Variants in LCOR observed in about 807,000 individuals in gnomAD.
LCOR encodes the protein ligand dependent nuclear receptor corepressor, also known as ligand-dependent corepressor.
A neutral mutation model predicts 64.4 loss-of-function variants in LCOR; 14 were observed. That is an observed-to-expected ratio of 0.22 (90% confidence interval 0.14 to 0.34). The LOEUF is 0.34. LCOR is among the 10% of genes least tolerant of loss of function. The pLI, the probability that LCOR is intolerant of heterozygous loss-of-function variation, is 1.00. For missense variants in LCOR, 1,686 were observed against 1,765.3 expected, an observed-to-expected ratio of 0.96 and a Z score of 0.80; for synonymous variants, 643 against 642.5, an observed-to-expected ratio of 1.00 and a Z score of -0.01.
intron 2 of LCOR, among the ~76,000 whole-genome samples, chr10:96,855,866 C>A (rs1485371168): frequency 1.3e-5 from 2 of 149,462 alleles, no homozygotes; most frequent in Admixed American, 6.7e-5. Flanking sequence ...CTCAGCCTCC[C>A]GAGTAGCTGG....
chr10:96,852,003 T>A (rs1845728679), intron 2 of LCOR, among the ~76,000 whole-genome samples: 16 of 152,282 alleles, frequency 1.1e-4, no homozygotes, highest in Admixed American at 1.0e-3. Flanking sequence ...ATGATGCTAA[T>A]GCCACACAAT....
intron 4 of LCOR, among the ~76,000 whole-genome samples, chr10:96,941,334 GAGTCCTCACTTCCCAGTA>G (rs1847469197): frequency 1.5e-5 from 2 of 136,628 alleles, no homozygotes; most frequent in African/African-American, 5.7e-5. Context: ...CCGGGCAGAG[GAGTCCTCACTTCCCAGTA>G]GGGGCGGCCG....
At chr10:96,942,775 GTTGT>G (rs959053633) in intron 4 of LCOR, among the ~76,000 whole-genome samples, 4 of 152,010 alleles carry the variant, frequency 2.6e-5, no homozygotes, top group African/African-American at 9.7e-5. Flanking sequence ...TCTTCAATGT[GTTGT>G]TTAATTCCTT....
chr10:96,870,544 C>G (rs1353479830), intron 2 of LCOR, among the ~76,000 whole-genome samples: 1 of 152,186 alleles, frequency 6.6e-6, no homozygotes, highest in African/African-American at 2.4e-5. Context: ...CTCTTCAGAT[C>G]TTGTAGACTA....
At chr10:96,852,582 A>G (rs1160954719) in intron 2 of LCOR, among the ~76,000 whole-genome samples, 2 of 152,218 alleles carry the variant, frequency 1.3e-5, no homozygotes, top group African/African-American at 2.4e-5. Context: ...TAAACCTGAA[A>G]CACTTCTGGT....
chr10:96,832,674 T>A (rs1845361327), intron 1 of LCOR, among the ~76,000 whole-genome samples: 1 of 148,444 alleles, frequency 6.7e-6, no homozygotes, highest in Admixed American at 6.7e-5. Context: ...CCTCCCGCTC[T>A]CCATCCCCGC....
intron 5 of LCOR, among the ~76,000 whole-genome samples, chr10:96,945,405 C>T (rs1384119665): frequency 1.3e-5 from 2 of 151,966 alleles, no homozygotes; most frequent in African/African-American, 2.4e-5. Flanking sequence ...CACTTTTTTT[C>T]CCATTTTCTT....
intron 4 of LCOR, among the ~76,000 whole-genome samples, chr10:96,930,076 T>C (rs1847231565): frequency 6.6e-6 from 1 of 152,116 alleles, no homozygotes; most frequent in African/African-American, 2.4e-5. Context: ...ATATTGCAAA[T>C]ATTACAAAAA....
Position 96,944,204 on chromosome 10 carries a change from G to T in LCOR, c.-92G>T, listed in dbSNP as rs1847548158. 1.0e-6 allele frequency: 1 copy of T among 985,594 alleles called. No individual in the cohort carries two copies. Among genetic ancestry groups the T allele is most frequent in the Non-Finnish European group, 1.2e-6 (1 of 829,908 alleles). 61.1% of individuals were successfully genotyped at this position (985,594 alleles called of 1,614,324 possible). On this transcript the variant is annotated 5_prime_UTR_variant, in exon 5 of 8. Coordinates refer to ENST00000421806, the MANE Select transcript of LCOR (RefSeq NM_001346516.2). ...CAAGCAAAAATCATTCGATTCGAGA[G>T]ACAAGCAGAAGAATTCCTCAATGCA...
At chr10:96,934,375 AAGGAGAGAGTTTT>A (rs2134494832) in intron 4 of LCOR, among the ~76,000 whole-genome samples, 1 of 152,268 alleles carries the variant, frequency 6.6e-6, no homozygotes, top group Admixed American at 6.5e-5. Flanking sequence ...GTTGTTTATT[AAGGAGAGAGTTTT>A]TAAAAAGCTT....
chr10:96,899,078 A>T (rs1248498276), intron 2 of LCOR, among the ~76,000 whole-genome samples: 3 of 152,182 alleles, frequency 2.0e-5, no homozygotes, highest in Admixed American at 1.3e-4. Flanking sequence ...GGTGTTCGTG[A>T]TGCCATTTTC....
intron 6 of LCOR, among the ~76,000 whole-genome samples, chr10:96,951,325 C>T (rs1028877510): frequency 6.6e-6 from 1 of 152,118 alleles, no homozygotes; most frequent in Non-Finnish European, 1.5e-5. Context: ...GGTTGTACTT[C>T]CAGGCTCTCA....
chr10:96,877,511 G>A (rs1038550578), intron 2 of LCOR, among the ~76,000 whole-genome samples: 9 of 150,960 alleles, frequency 6.0e-5, no homozygotes, highest in African/African-American at 2.2e-4. Flanking sequence ...GTGAGTGAGT[G>A]AGATCCTGTC....
Position 96,947,734 on chromosome 10 carries a change from T to C in LCOR, c.-50-1274T>C, listed in dbSNP as rs979023969. Among the ~76,000 whole-genome samples the C allele has an allele frequency of 5.3e-5, 8 of 151,726 alleles. No homozygotes were observed. In the East Asian group the frequency reaches 1.4e-3, roughly 26 times the overall value. On this transcript the variant is annotated intron_variant, in intron 5 of 7. Transcript: ENST00000421806. Reference sequence around the variant, plus strand: ...GGCCACTTACTCTTTTGATCACATTTCCCTTTTTTTTTTTAAAGGACTATT... The same window carrying C: ...GGCCACTTACTCTTTTGATCACATTCCCCTTTTTTTTTTTAAAGGACTATT...
At chr10:96,955,616 A>G (rs754883837) in intron 7 of LCOR, 1 of 1,614,196 alleles carries the variant, frequency 6.2e-7, no homozygotes, top group South Asian at 1.1e-5. Flanking sequence ...ATCAAGAAGG[A>G]GACCCTGGCT....
intron 4 of LCOR, among the ~76,000 whole-genome samples, chr10:96,927,397 A>G (rs1040975679): frequency 6.6e-6 from 1 of 151,972 alleles, no homozygotes; most frequent in Non-Finnish European, 1.5e-5. Context: ...TTGGTCAGGT[A>G]TGTTATACAA....
rs762639752 is a variant in LCOR at position 96,845,449 on chromosome 10, C to CTTTTTTTT, written c.-330+12000_-330+12007dup. Among the ~76,000 whole-genome samples, 67 of 48,688 alleles carry CTTTTTTTT rather than the reference C, an allele frequency of 1.4e-3. 19 individuals carry two copies. Among genetic ancestry groups the CTTTTTTTT allele is most frequent in the Admixed American group, 2.6e-3 (8 of 3,134 alleles). The allele number at this position is 48,688 out of a possible 152,430, so 31.9% of individuals were successfully genotyped here. A position where few individuals can be genotyped will look rare whatever the true frequency, so the allele number is the denominator to read the frequency against. ...TTTGCCTCTTATAAATGGGCTTATC[C>CTTTTTTTT]TTTTTTTTTTTTTTTTTTTTTTTTT... is the stretch of plus-strand genomic sequence containing the variant. On this transcript the variant is annotated intron_variant, in intron 2 of 7. Transcript: ENST00000421806.
chr10:96,979,542 G>A (rs1250807452), intron 7 of LCOR, among the ~76,000 whole-genome samples: 2 of 152,166 alleles, frequency 1.3e-5, no homozygotes, highest in Admixed American at 6.5e-5. Flanking sequence ...GGTGGAAAGG[G>A]GTTTTTAACA....
intron 2 of LCOR, among the ~76,000 whole-genome samples, chr10:96,845,778 A>C (rs961857638): frequency 1.3e-5 from 2 of 151,752 alleles, no homozygotes; most frequent in Admixed American, 6.6e-5. Context: ...AAATGGGCTT[A>C]TCTGATTACA....
Sources: gnomAD v4.1 joint callset for allele counts (sites outside exome capture counted in the v4.1 genomes callset) on GRCh38, gnomAD v4.1.1 for gene constraint, MANE v1.5 for transcripts, NCBI Gene and HGNC (gene_info 2026-07-23, HGNC 2026-07-21) for gene names.